The following COL24A1 variants were observed in gnomAD, a reference collection of about 807,000 sequenced individuals.
COL24A1 encodes collagen type XXIV alpha 1 chain.
Under a neutral mutation model 253.9 loss-of-function variants are expected in COL24A1, and 224 were observed. The observed-to-expected ratio is 0.88, with a 90% CI of 0.79 to 0.99. COL24A1 has a LOEUF of 0.99. Ranked by LOEUF, COL24A1 falls within the 50% of genes least tolerant of loss-of-function variation. The pLI is 0.00. For synonymous variants in COL24A1, 685 were observed against 673.7 expected, an observed-to-expected ratio of 1.02 and a Z score of -0.26; for missense variants, 2,131 against 2,068.5, an observed-to-expected ratio of 1.03 and a Z score of -0.59.
At chr1:85,851,194 T>C (rs1677732915) in intron 37 of COL24A1, among the ~76,000 whole-genome samples, 1 of 152,100 alleles carries the variant, frequency 6.6e-6, no homozygotes, top group Admixed American at 6.6e-5. Flanking sequence ...TTTGTATCTT[T>C]AAAAATTTTT....
chr1:86,050,054 T>C lies in COL24A1; in HGVS notation c.1905+70A>G, dbSNP rs993815351. ...AAGATTACTTCCCTGACATCTGATT[T>C]TATGACCCCCATTGTACATTATCAC... On this transcript the variant is annotated intron_variant, in intron 11 of 59. Coordinates refer to ENST00000370571, the MANE Select transcript of COL24A1 (RefSeq NM_152890.7). 2.3e-5 allele frequency: 31 copies of C among 1,337,772 alleles called. No homozygotes were observed. The East Asian group carries it at 7.3e-4, about 31-fold the overall frequency. The allele number at this position is 1,337,772 out of a possible 1,614,324, so 82.9% of individuals were successfully genotyped here.
At chr1:85,910,872 G>A (rs1456855038) in intron 25 of COL24A1, among the ~76,000 whole-genome samples, 1 of 151,846 alleles carries the variant, frequency 6.6e-6, no homozygotes, top group Admixed American at 6.6e-5. Flanking sequence ...GGAAGGATGA[G>A]AGGAGTCTGT....
At chr1:85,875,165 G>T in intron 34 of COL24A1, 112 bp downstream of exon 34, 2 of 871,784 alleles carry the variant, frequency 2.3e-6, no homozygotes, top group Non-Finnish European at 1.9e-6. Context: ...GTTTTTATCT[G>T]GGGGCTTCCA....
chr1:86,089,288 G>A, intron 6 of COL24A1, 61 bp from the exon 7 acceptor site: 2 of 1,308,222 alleles, frequency 1.5e-6, no homozygotes, highest in East Asian at 2.4e-5. Flanking sequence ...GAATTCTCTT[G>A]AAAATTAAAG....
intron 46 of COL24A1, 63 bp from the exon 47 acceptor site, chr1:85,816,958 T>G: frequency 8.2e-7 from 1 of 1,220,034 alleles, no homozygotes; most frequent in Non-Finnish European, 1.2e-6. Flanking sequence ...TGACAAATAC[T>G]TTTTTATTTA....
chr1:85,856,171 G>T (rs1678418545), intron 37 of COL24A1, among the ~76,000 whole-genome samples: 3 of 151,964 alleles, frequency 2.0e-5, no homozygotes, highest in Admixed American at 2.0e-4. Context: ...TTGACCTTTT[G>T]TATGTTTTAT....
At chr1:85,775,427 G>A (rs1296503567) in intron 53 of COL24A1, among the ~76,000 whole-genome samples, 1 of 152,126 alleles carries the variant, frequency 6.6e-6, no homozygotes, top group Non-Finnish European at 1.5e-5. Flanking sequence ...GGATATCTTT[G>A]TTAATTTTCT....
chr1:86,156,426 CT>C lies in COL24A1; in HGVS notation c.-31del. The C allele has an allele frequency of 2.5e-6, 4 of 1,604,238 alleles. No homozygotes were observed. Among genetic ancestry groups the C allele is most frequent in the Non-Finnish European group, 3.4e-6 (4 of 1,175,420 alleles). On this transcript the variant is annotated 5_prime_UTR_variant, in exon 1 of 60. The change abolishes the stop of an existing upstream ORF in the 5' untranslated region. Transcript: ENST00000370571. ...ATGCATTTGTCCGTGCAGCAAAGCG[CT>C]AACGGAAAACAGAAGCCAACTCTGA...
chr1:85,770,735 T>C (rs568775695), intron 53 of COL24A1, among the ~76,000 whole-genome samples: 82 of 152,308 alleles, frequency 5.4e-4, no homozygotes, highest in African/African-American at 1.9e-3. Flanking sequence ...ACATCTTCTT[T>C]AGCATGGAAG....
intron 32 of COL24A1, among the ~76,000 whole-genome samples, chr1:85,884,852 C>CT (rs1558525407): frequency 2.0e-5 from 3 of 152,164 alleles, no homozygotes. Context: ...TTTTCTCTAT[C>CT]TTTAAAGTAA....
At chr1:85,734,024 T>C (rs554317924) in intron 59 of COL24A1, among the ~76,000 whole-genome samples, 1 of 151,768 alleles carries the variant, frequency 6.6e-6, no homozygotes, top group East Asian at 1.9e-4. Flanking sequence ...TGCCTCAGTC[T>C]CCCAGGTAGC....
At chr1:85,748,296 T>A (rs969673205) in intron 55 of COL24A1, among the ~76,000 whole-genome samples, 1 of 152,172 alleles carries the variant, frequency 6.6e-6, no homozygotes. Context: ...GCTAGTTGGG[T>A]TTGCAACTCA....
At chr1:85,818,542 T>A (rs1340758245) in intron 45 of COL24A1, among the ~76,000 whole-genome samples, 1 of 152,224 alleles carries the variant, frequency 6.6e-6, no homozygotes, top group Non-Finnish European at 1.5e-5. Flanking sequence ...CATGAACTGA[T>A]AGCCTAAAAT....
At chr1:85,987,971 T>C (rs1327402229) in intron 19 of COL24A1, among the ~76,000 whole-genome samples, 3 of 151,918 alleles carry the variant, frequency 2.0e-5, no homozygotes, top group Non-Finnish European at 4.4e-5. Flanking sequence ...TGACATGTTC[T>C]TTCAACATCA....
intron 24 of COL24A1, among the ~76,000 whole-genome samples, chr1:85,924,620 GC>G (rs1442807374): frequency 2.0e-5 from 3 of 151,990 alleles, no homozygotes; most frequent in Non-Finnish European, 4.4e-5. Context: ...AAACTCAACA[GC>G]CCTTCATGCT....
intron 24 of COL24A1, among the ~76,000 whole-genome samples, chr1:85,947,175 T>A (rs1289749104): frequency 6.6e-6 from 1 of 152,218 alleles, no homozygotes; most frequent in African/African-American, 2.4e-5. Context: ...TAGATTTACC[T>A]ACTAAAACTA....
intron 11 of COL24A1, among the ~76,000 whole-genome samples, chr1:86,048,434 C>G (rs180690147): frequency 6.6e-6 from 1 of 152,014 alleles, no homozygotes; most frequent in African/African-American, 2.4e-5. Flanking sequence ...GACACAGTAC[C>G]CGTGAGGGGC....
At position 86,059,696 on chromosome 1, in the gene COL24A1, C is replaced by T. The variant is rs140569432; in HGVS notation, c.1753-522G>A. Among the ~76,000 whole-genome samples the T allele has an allele frequency of 2.1e-3, 322 of 152,154 alleles. 2 individuals carry two copies. Among genetic ancestry groups the T allele is most frequent in the Non-Finnish European group, 3.3e-3 (222 of 67,996 alleles). ...CCGTTATCATGACATGGGTCTGATC[C>T]AGTAAATTTGAATGGTGCTGTGGAC... is the stretch of plus-strand genomic sequence containing the variant. On this transcript the variant is annotated intron_variant, in intron 8 of 59. Coordinates refer to ENST00000370571, the MANE Select transcript of COL24A1 (RefSeq NM_152890.7).
intron 5 of COL24A1, among the ~76,000 whole-genome samples, chr1:86,107,964 G>GT (rs927813772): frequency 2.6e-5 from 4 of 151,964 alleles, no homozygotes; most frequent in African/African-American, 9.7e-5. Context: ...AGAGGCCTAA[G>GT]TTTTTGCAAA....
Sources: gnomAD v4.1 joint callset for allele counts (sites outside exome capture counted in the v4.1 genomes callset) on GRCh38, gnomAD v4.1.1 for gene constraint, MANE v1.5 for transcripts, NCBI Gene and HGNC (gene_info 2026-07-23, HGNC 2026-07-21) for gene names.